MROH2A: variants seen among roughly 807,000 people sequenced by gnomAD.
MROH2A encodes the protein maestro heat like repeat family member 2A, also known as maestro heat-like repeat-containing protein family member 2A.
MROH2A carries 174 observed loss-of-function variants against 200.4 expected under a neutral mutation model. That is an observed-to-expected ratio of 0.87 (90% confidence interval 0.77 to 0.98). The LOEUF (loss-of-function observed/expected upper bound fraction) is 0.98. Among genes scored for constraint, MROH2A ranks in the 50% least tolerant of loss-of-function variants. The pLI is 0.00. For synonymous variants in MROH2A, 829 were observed against 840.4 expected (o/e 0.99, Z 0.23); for missense variants, 2,045 against 2,139.6 (o/e 0.96, Z 0.87).
rs544609671 is a variant in MROH2A, at chr2:233,792,554, C to T, written c.572-242C>T. Among the ~76,000 whole-genome samples, 6 of 152,228 alleles carry T rather than the reference C, an allele frequency of 3.9e-5. No individual in the cohort carries two copies. In the South Asian group the frequency reaches 1.2e-3, roughly 32 times the overall value. On this transcript the variant is annotated intron_variant, in intron 5 of 41. Transcript: ENST00000389758. ...GACCTCGATCTCCTGACCTCGTGAT[C>T]CGCCCACCTTGGCCTCCCAAAGTGC...
intron 26 of MROH2A, 93 bp from the exon 27 acceptor site, chr2:233,816,687 CT>C: frequency 1.4e-6 from 1 of 706,978 alleles, no homozygotes; most frequent in Middle Eastern, 3.6e-4. Context: ...GAAAGTCGAT[CT>C]GAGTAGGAGG....
rs896315279 is a variant in MROH2A at position 233,791,531 on chromosome 2, C to T, written c.572-1265C>T. ...GGTGAAGGGGGCAGTTGATTTGTGG[C>T]GCGGAGTTCAGAGGGCAGGTCTGGG... On this transcript the variant is annotated intron_variant, in intron 5 of 41. Coordinates refer to ENST00000389758, the MANE Select transcript of MROH2A (RefSeq NM_001394639.1). 2.6e-5 allele frequency among the ~76,000 whole-genome samples: 4 copies of T among 151,820 alleles called. No individual in the cohort carries two copies. In the East Asian group the frequency reaches 5.8e-4, roughly 22 times the overall value.
intron 3 of MROH2A, among the ~76,000 whole-genome samples, chr2:233,784,643 C>T (rs943025892): frequency 5.9e-5 from 9 of 152,086 alleles, no homozygotes; most frequent in African/African-American, 4.8e-5. Flanking sequence ...AGGAGCCTGG[C>T]GCCTCCTCTG....
At position 233,792,793 on chromosome 2, in the gene MROH2A, C is replaced by T; in HGVS notation, c.572-3C>T. Reference sequence around the variant, plus strand: ...CCTGTAATCATCCCTCACAACCTCACAGTGTTTGAGTTCATGCCATACATG... The same window carrying T: ...CCTGTAATCATCCCTCACAACCTCATAGTGTTTGAGTTCATGCCATACATG... On this transcript the variant is annotated splice_region_variant and splice_polypyrimidine_tract_variant and intron_variant, in intron 5 of 41. Transcript: ENST00000389758. 6.6e-7 allele frequency: 1 copy of T among 1,519,894 alleles called. No homozygotes were observed. 94.2% of individuals were successfully genotyped at this position (1,519,894 alleles called of 1,614,324 possible).
At chr2:233,793,563 C>A in intron 6 of MROH2A, 110 bp from the exon 7 acceptor site, 1 of 1,079,100 alleles carries the variant, frequency 9.3e-7, no homozygotes, top group Non-Finnish European at 1.2e-6. Flanking sequence ...GTGCAGCCTG[C>A]TCGCTACGGC....
chr2:233,802,440 C>A, intron 15 of MROH2A, 125 bp downstream of exon 15: 2 of 1,053,154 alleles, frequency 1.9e-6, no homozygotes, highest in Non-Finnish European at 2.7e-6. Flanking sequence ...CATCCAAGTC[C>A]AAATTAATAC....
At position 233,828,739 on chromosome 2, in the gene MROH2A, T is replaced by C. The variant is rs1052443849; in HGVS notation, c.4223T>C (p.Leu1408Pro). The C allele has an allele frequency of 3.7e-5, 58 of 1,550,410 alleles. No homozygotes were observed. Among genetic ancestry groups the C allele is most frequent in the Non-Finnish European group, 4.9e-5 (56 of 1,146,938 alleles). ...EEDEALRVLS[L>P]RALGNMALGA... Reference sequence around the variant, plus strand: ...GACGAGGCCCTGCGGGTGCTGTCCCTGCGCGCCCTCGGCAACATGGCCCTG... The same window carrying C: ...GACGAGGCCCTGCGGGTGCTGTCCCCGCGCGCCCTCGGCAACATGGCCCTG... Residue 1408 changes from leucine to proline, a missense_variant, in exon 36 of 42, where the codon CTG (leucine) becomes CCG (proline). By Grantham distance (98) the Leu-to-Pro change is moderately conservative. Around this residue, in one of 3 missense-constraint regions of MROH2A, gnomAD observed 1,201 missense variants for 1,311.3 expected, o/e 0.92. Coordinates refer to ENST00000389758, the MANE Select transcript of MROH2A (RefSeq NM_001394639.1). The surrounding 1 kb of genome is among the most constrained non-coding windows in gnomAD (Gnocchi z 4.6).
Position 233,802,279 on chromosome 2 carries a change from G to A in MROH2A, c.1672G>A (p.Asp558Asn). 1.3e-6 allele frequency: 2 copies of A among 1,550,510 alleles called. No individual in the cohort carries two copies. The highest frequency in any genetic ancestry group is 1.4e-5 in the African/African-American group (1 of 73,146). The change falls in exon 15 of 42, where the codon GAT becomes AAT. Residue 558 changes from aspartate (D) to asparagine (N), a missense_variant. By Grantham distance (23) the Asp-to-Asn change is conservative (BLOSUM62 1). This residue lies in a region of MROH2A where 831 missense variants were observed against 800.0 expected (regional missense o/e 1.04). Transcript: ENST00000389758. ...GGCAGAACACCAGCTCCATGGCCAG[G>A]ATGTGGATGTCAGCGTGGCTGGCAA... ...NLAEHQLHGQDVDVSVAGKSR... is the reference protein window; with the variant it reads ...NLAEHQLHGQNVDVSVAGKSR...
intron 3 of MROH2A, among the ~76,000 whole-genome samples, chr2:233,781,508 A>G (rs1006265805): frequency 6.6e-6 from 1 of 152,056 alleles, no homozygotes; most frequent in Non-Finnish European, 1.5e-5. Flanking sequence ...GCATTTTTTT[A>G]TATCCCTGTT....
At chr2:233,806,154 A>G (rs921660278) in intron 19 of MROH2A, among the ~76,000 whole-genome samples, 2 of 152,208 alleles carry the variant, frequency 1.3e-5, no homozygotes, top group Non-Finnish European at 2.9e-5. Context: ...CTTCCATAAC[A>G]GATCAAAGAC....
At chr2:233,810,713 C>A in intron 22 of MROH2A, 81 bp from the exon 23 acceptor site, 1 of 1,507,890 alleles carries the variant, frequency 6.6e-7, no homozygotes. Flanking sequence ...CAGAGGGAGT[C>A]CAGGAGCAGA....
chr2:233,802,362 G>T (rs741158), intron 15 of MROH2A, 47 bp downstream of exon 15: 314,905 of 1,513,030 alleles, frequency 0.21, 34,637 homozygotes, highest in East Asian at 0.38. Flanking sequence ...AGGTGGGCTG[G>T]CTCCTTGTCT....
chr2:233,790,450 C>CT (rs1701652240), intron 5 of MROH2A, among the ~76,000 whole-genome samples: 1 of 64,250 alleles, frequency 1.6e-5, no homozygotes, highest in Non-Finnish European at 2.7e-5. Flanking sequence ...TCCTCCCTCC[C>CT]CCCCTTCCTT....
At chr2:233,804,368 C>T (rs1273597765) in intron 17 of MROH2A, 127 bp from the exon 18 acceptor site, 25 of 1,301,872 alleles carry the variant, frequency 1.9e-5, no homozygotes, top group South Asian at 9.7e-5. Flanking sequence ...TGCAATGCAA[C>T]GTGTGATGTG....
intron 22 of MROH2A, among the ~76,000 whole-genome samples, 195 bp from the exon 23 acceptor site, chr2:233,810,599 G>A (rs1703092182): frequency 6.6e-6 from 1 of 152,230 alleles, no homozygotes. Context: ...CCCGCCATGT[G>A]CCTGTGGCCC....
intron 3 of MROH2A, among the ~76,000 whole-genome samples, chr2:233,788,904 A>C (rs911391022): frequency 3.1e-5 from 4 of 130,338 alleles, no homozygotes; most frequent in African/African-American, 8.8e-5. Context: ...GCGCCACTGC[A>C]CTCCAGCCCG....
rs1015506649 is a variant in MROH2A, at chr2:233,833,290, C to T, written c.*31C>T. 2 of 1,487,164 alleles carry T rather than the reference C, an allele frequency of 1.3e-6. No individual in the cohort carries two copies. The highest frequency in any genetic ancestry group is 1.8e-6 in the Non-Finnish European group (2 of 1,120,076). 92.1% of individuals were successfully genotyped at this position (1,487,164 alleles called of 1,614,324 possible). A position where few individuals can be genotyped will look rare whatever the true frequency, so the allele number is the denominator to read the frequency against. Reference sequence around the variant, plus strand: ...CCAAACATAAGACGTAAACTGTCTTCTTAGTGCCAAATGCAAGCCCTTTTT... The same window carrying T: ...CCAAACATAAGACGTAAACTGTCTTTTTAGTGCCAAATGCAAGCCCTTTTT... On this transcript the variant is annotated 3_prime_UTR_variant, in exon 42 of 42. Coordinates refer to ENST00000389758, the MANE Select transcript of MROH2A (RefSeq NM_001394639.1).
intron 37 of MROH2A, 110 bp from the exon 38 acceptor site, chr2:233,829,510 T>C: frequency 9.2e-7 from 1 of 1,082,292 alleles, no homozygotes; most frequent in South Asian, 2.5e-5. Flanking sequence ...GACGGAATGA[T>C]CCAGAAGGCT....
rs1251068672 is a variant in MROH2A, at chr2:233,810,780, C to G, written c.2449-14C>G. On this transcript the variant is annotated splice_polypyrimidine_tract_variant and intron_variant, in intron 22 of 41. Coordinates refer to ENST00000389758, the MANE Select transcript of MROH2A (RefSeq NM_001394639.1). ...ACAAACATTCTCTCCCTCCTTTTCC[C>G]CTTCTGGGCTCAGGACATCTGTCTC... 1.3e-6 allele frequency: 2 copies of G among 1,549,608 alleles called. No individual in the cohort carries two copies. The highest frequency in any genetic ancestry group is 1.7e-6 in the Non-Finnish European group (2 of 1,146,360).
Sources: gnomAD v4.1 joint callset for allele counts (sites outside exome capture counted in the v4.1 genomes callset) on GRCh38, gnomAD v4.1.1 for gene constraint, gnomAD v4.1.1 regional missense constraint, Gnocchi (gnomAD v3.1) non-coding constraint, MANE v1.5 for transcripts, NCBI Gene and HGNC (gene_info 2026-07-23, HGNC 2026-07-21) for gene names.